RBPJ: variants seen among roughly 807,000 people sequenced by gnomAD.
RBPJ encodes recombining binding protein suppressor of hairless.
A neutral mutation model predicts 67.8 loss-of-function variants in RBPJ; 9 were observed. That is an observed-to-expected ratio of 0.13 (90% CI 0.08 to 0.23). RBPJ has a LOEUF of 0.23. Ranked by LOEUF, RBPJ falls within the 10% of genes least tolerant of loss-of-function variation. The probability of loss-of-function intolerance (pLI) is 1.00; values close to 1 mark genes in which losing one functional copy is unlikely to be tolerated. For missense variants in RBPJ, 305 were observed against 595.6 expected (o/e 0.51, Z 5.08); for synonymous variants, 198 against 203.3 (o/e 0.97, Z 0.22).
intron 1 of RBPJ, among the ~76,000 whole-genome samples, chr4:26,195,399 A>G (rs999301049): frequency 1.3e-5 from 2 of 152,164 alleles, no homozygotes; most frequent in Non-Finnish European, 2.9e-5. Flanking sequence ...AAGAAAAAGG[A>G]ATAAAGCTAT....
intron 1 of RBPJ, among the ~76,000 whole-genome samples, chr4:26,220,434 C>G (rs956390659): frequency 6.6e-6 from 1 of 152,186 alleles, no homozygotes; most frequent in Non-Finnish European, 1.5e-5. Flanking sequence ...CAAATACCTA[C>G]TGGGCTCCTA....
At chr4:26,308,852 C>T (rs979422420) in intron 1 of RBPJ, among the ~76,000 whole-genome samples, 3 of 152,048 alleles carry the variant, frequency 2.0e-5, no homozygotes, top group African/African-American at 7.2e-5. Context: ...TGATAAAGGC[C>T]ATCTGTGTTC....
chr4:26,201,102 G>T (rs536001667), intron 1 of RBPJ, among the ~76,000 whole-genome samples: 3 of 152,128 alleles, frequency 2.0e-5, no homozygotes, highest in Non-Finnish European at 2.9e-5. Context: ...CCCAAAAAAG[G>T]TTTGGAAATT....
At chr4:26,183,882 C>T (rs756584522) in intron 1 of RBPJ, among the ~76,000 whole-genome samples, 20 of 152,016 alleles carry the variant, frequency 1.3e-4, no homozygotes, top group African/African-American at 4.1e-4. Flanking sequence ...CACGGAGGCA[C>T]GCACCTGTAG....
intron 1 of RBPJ, among the ~76,000 whole-genome samples, chr4:26,298,730 A>G (rs1244401711): frequency 6.6e-6 from 1 of 152,222 alleles, no homozygotes; most frequent in Non-Finnish European, 1.5e-5. Context: ...TTAACAGTGG[A>G]GACTGATTCA....
At chr4:26,364,626 T>TTTTTTTTTTTTTTTTCTTTTTCATTTTC (rs1396193384) in intron 1 of RBPJ, among the ~76,000 whole-genome samples, 2 of 141,706 alleles carry the variant, frequency 1.4e-5, no homozygotes, top group Non-Finnish European at 3.1e-5. Context: ...TTTCATTTTC[T>TTTTTTTTTTTTTTTTCTTTTTCATTTTC]TTTTTTTTTT....
At chr4:26,214,736 AAGAG>A (rs1439635851) in intron 1 of RBPJ, among the ~76,000 whole-genome samples, 1 of 127,608 alleles carries the variant, frequency 7.8e-6, no homozygotes, top group African/African-American at 3.0e-5. Flanking sequence ...AGAAAGAGGG[AAGAG>A]AGAGAGAAAG....
chr4:26,168,741 C>G (rs1716424881), intron 1 of RBPJ, among the ~76,000 whole-genome samples: 1 of 152,206 alleles, frequency 6.6e-6, no homozygotes, highest in Non-Finnish European at 1.5e-5. Flanking sequence ...TTCACATAGT[C>G]CCATATTTCT....
chr4:26,324,401 A>AGTGTGTGT (rs56655194), intron 1 of RBPJ, among the ~76,000 whole-genome samples: 1 of 149,972 alleles, frequency 6.7e-6, no homozygotes, highest in Non-Finnish European at 1.5e-5. Flanking sequence ...GTCGTGTGTG[A>AGTGTGTGT]GTGTGTGTGT....
chr4:26,360,625 A>G (rs1022114779), intron 1 of RBPJ, among the ~76,000 whole-genome samples: 1 of 139,162 alleles, frequency 7.2e-6, no homozygotes, highest in Non-Finnish European at 1.5e-5. Flanking sequence ...ACAGAGTCTC[A>G]CTTTGTCACC....
chr4:26,125,713 C>T, the RBPJ span, among the ~76,000 whole-genome samples: 395 of 151,908 alleles, frequency 2.6e-3, no homozygotes, highest in African/African-American at 9.0e-3. Flanking sequence ...GCAGGAGAAT[C>T]GCTTAGACCT....
chr4:26,166,003 T>C (rs1159041496), intron 1 of RBPJ, among the ~76,000 whole-genome samples: 1 of 151,720 alleles, frequency 6.6e-6, no homozygotes, highest in Non-Finnish European at 1.5e-5. Flanking sequence ...ATACTGAGAA[T>C]GATGATTTCC....
chr4:26,320,800 A>G, upstream of RBPJ: 1 of 1,556,618 alleles, frequency 6.4e-7, no homozygotes, highest in Non-Finnish European at 8.7e-7. Context: ...CCGCCTGCGC[A>G]TGCTCCATCG....
upstream of RBPJ, among the ~76,000 whole-genome samples, chr4:26,163,100 G>T (rs893849140): frequency 6.6e-6 from 1 of 151,984 alleles, no homozygotes; most frequent in Admixed American, 6.5e-5. Flanking sequence ...CCTCACCTAG[G>T]ATTTGGGGTA....
At chr4:26,296,786 A>G (rs572278792) in intron 1 of RBPJ, among the ~76,000 whole-genome samples, 2 of 152,316 alleles carry the variant, frequency 1.3e-5, no homozygotes, top group East Asian at 3.9e-4. Context: ...TATTCTGTTA[A>G]TAAGCAACAT....
intron 2 of RBPJ, among the ~76,000 whole-genome samples, chr4:26,388,171 T>G (rs1731110585): frequency 6.7e-6 from 1 of 148,616 alleles, no homozygotes; most frequent in Admixed American, 6.7e-5. Context: ...TTTTTTTTTG[T>G]TTTTTTGTAG....
chr4:26,158,481 C>T (rs1716016352), upstream of RBPJ, among the ~76,000 whole-genome samples: 1 of 152,134 alleles, frequency 6.6e-6, no homozygotes, highest in Non-Finnish European at 1.5e-5. Flanking sequence ...ATAAAAGCCC[C>T]CTATGAAGAG....
In RBPJ at chr4:26,404,234, G is replaced by GT. The variant is rs1353830593; in HGVS notation, c.60-1933dup. On this transcript the variant is annotated intron_variant, in intron 2 of 10. Transcript: ENST00000355476. ...TGCCTACTTTTTAATGGGGTTGTTT[G>GT]TTTTTTTTCTTGTAAATTTAAGTTC... is the stretch of plus-strand genomic sequence containing the variant. 9.9e-5 allele frequency among the ~76,000 whole-genome samples: 15 copies of GT among 151,424 alleles called. No homozygotes were observed. In the East Asian group the frequency reaches 2.1e-3, roughly 22 times the overall value.
intron 1 of RBPJ, among the ~76,000 whole-genome samples, chr4:26,223,865 C>G (rs1718995563): frequency 6.6e-6 from 1 of 152,172 alleles, no homozygotes. Context: ...ATCACATTAT[C>G]ATAATAAGAT....
Sources: allele counts gnomAD v4.1 joint callset (sites outside exome capture counted in the v4.1 genomes callset), GRCh38; gene constraint gnomAD v4.1.1; transcripts MANE v1.5; gene names NCBI Gene and HGNC (gene_info 2026-07-23, HGNC 2026-07-21).